The following MCPH1 variants were observed in gnomAD, a reference collection of about 807,000 sequenced individuals.
MCPH1 encodes microcephalin.
MCPH1 carries 104 observed loss-of-function variants against 84.5 expected under a neutral mutation model. The observed-to-expected ratio is 1.23, with a 90% CI of 1.05 to 1.45. The LOEUF is 1.45. MCPH1 is among the 40% of genes most tolerant of loss of function. The pLI is 0.00. For synonymous variants in MCPH1, 514 were observed against 366.8 expected, an observed-to-expected ratio of 1.40 and a Z score of -4.58; for missense variants, 1,498 against 1,005.7, an observed-to-expected ratio of 1.49 and a Z score of -6.62.
intron 12 of MCPH1, chr8:6,508,683 T>G (rs1391164541): frequency 1.7e-6 from 1 of 601,440 alleles, no homozygotes. Flanking sequence ...ATATCCCCTC[T>G]CCTTGCCAGG....
chr8:6,407,572 G>A (rs532398385), intron 1 of MCPH1, among the ~76,000 whole-genome samples: 20 of 152,288 alleles, frequency 1.3e-4, no homozygotes, highest in African/African-American at 4.1e-4. Flanking sequence ...GGCCTGTATT[G>A]TGGGGCCTGG....
chr8:6,621,285 A>C, intron 12 of MCPH1, 169 bp from the exon 13 acceptor site: 1 of 828,960 alleles, frequency 1.2e-6, no homozygotes, highest in East Asian at 2.7e-5. Context: ...TATGTCATTA[A>C]TGTCATCATC....
intron 3 of MCPH1, among the ~76,000 whole-genome samples, chr8:6,427,364 T>G (rs1801208394): frequency 6.6e-6 from 1 of 152,114 alleles, no homozygotes; most frequent in South Asian, 2.1e-4. Flanking sequence ...AGCAACTGTA[T>G]TAACTGATAC....
At chr8:6,458,855 A>G (rs1039002539) in intron 9 of MCPH1, among the ~76,000 whole-genome samples, 6 of 152,176 alleles carry the variant, frequency 3.9e-5, no homozygotes, top group African/African-American at 1.4e-4. Flanking sequence ...CATGTTGACC[A>G]GGCTGGTCTC....
rs1251429918 is a variant in MCPH1 at position 6,444,677 on chromosome 8, G to A, written c.955G>A (p.Ala319Thr). 5 of 1,613,968 alleles carry A rather than the reference G, an allele frequency of 3.1e-6. No individual in the cohort carries two copies. The highest frequency in any genetic ancestry group is 4.5e-5 in the East Asian group (2 of 44,906). ...KVVTPDQKQA[A>T]GMSQETFEEK... The stretch of plus-strand genomic sequence containing the variant: ...AGTCACCCCTGACCAAAAGCAGGCT[G>A]CAGGTATGTCTCAGGAGACGTTTGA... Residue 319 changes from alanine to threonine, a missense_variant, in exon 8 of 14, where the codon GCA becomes ACA. Ala to Thr is a moderately conservative substitution (Grantham distance 58). Coordinates refer to ENST00000344683, the MANE Select transcript of MCPH1 (RefSeq NM_024596.5).
intron 12 of MCPH1, among the ~76,000 whole-genome samples, chr8:6,579,242 C>T (rs533248742): frequency 6.6e-6 from 1 of 152,336 alleles, no homozygotes; most frequent in South Asian, 2.1e-4. Flanking sequence ...AGTGAAGTGA[C>T]ATCGGCAGAG....
intron 12 of MCPH1, among the ~76,000 whole-genome samples, chr8:6,555,583 T>G (rs1422569081): frequency 6.6e-6 from 1 of 151,772 alleles, no homozygotes; most frequent in African/African-American, 2.4e-5. Flanking sequence ...CACCTCATCC[T>G]CCTGAGTAGC....
At chr8:6,534,204 T>A (rs1342536451) in intron 12 of MCPH1, among the ~76,000 whole-genome samples, 8 of 150,670 alleles carry the variant, frequency 5.3e-5, no homozygotes, top group African/African-American at 1.9e-4. Context: ...TCAATATATT[T>A]TAAAAAAAAA....
intron 13 of MCPH1, chr8:6,642,741 C>T: frequency 1.8e-6 from 1 of 549,178 alleles, no homozygotes; most frequent in Non-Finnish European, 3.3e-6. Context: ...TGCCCTGCAT[C>T]TAATGGGACA....
At chr8:6,424,772 C>T (rs1049064499) in intron 3 of MCPH1, among the ~76,000 whole-genome samples, 1 of 152,216 alleles carries the variant, frequency 6.6e-6, no homozygotes, top group African/African-American at 2.4e-5. Flanking sequence ...TAGTGCTAGA[C>T]CACAGAAGTT....
At chr8:6,612,669 C>A (rs1289441379) in intron 12 of MCPH1, among the ~76,000 whole-genome samples, 1 of 152,250 alleles carries the variant, frequency 6.6e-6, no homozygotes, top group African/African-American at 2.4e-5. Context: ...ACCTCCCCTG[C>A]CTGGCCTGGT....
chr8:6,439,515 G>C (rs1220995262), intron 6 of MCPH1, among the ~76,000 whole-genome samples: 1 of 151,376 alleles, frequency 6.6e-6, no homozygotes, highest in East Asian at 1.9e-4. Flanking sequence ...CTCCCGAGTA[G>C]CTGGGATTAC....
intron 12 of MCPH1, among the ~76,000 whole-genome samples, chr8:6,530,789 C>A (rs970792769): frequency 2.2e-4 from 33 of 152,192 alleles, no homozygotes; most frequent in African/African-American, 7.7e-4. Context: ...CATTTCACTA[C>A]TGTTTTCTCT....
At chr8:6,609,056 C>T (rs1006354940) in intron 12 of MCPH1, among the ~76,000 whole-genome samples, 2 of 152,200 alleles carry the variant, frequency 1.3e-5, no homozygotes, top group Non-Finnish European at 2.9e-5. Flanking sequence ...CCCCAACTTT[C>T]AATGACATTG....
intron 12 of MCPH1, among the ~76,000 whole-genome samples, chr8:6,564,617 C>T (rs1825991058): frequency 6.6e-6 from 1 of 152,162 alleles, no homozygotes; most frequent in African/African-American, 2.4e-5. Flanking sequence ...TTATTATTCC[C>T]AGTGAGCGCT....
chr8:6,492,133 C>T (rs1192794655), intron 11 of MCPH1, among the ~76,000 whole-genome samples: 1 of 152,210 alleles, frequency 6.6e-6, no homozygotes, highest in African/African-American at 2.4e-5. Flanking sequence ...TCCTCTCCAG[C>T]ACCTGTTGTT....
Position 6,642,823 on chromosome 8 carries a change from C to T in MCPH1, c.2453-171C>T, listed in dbSNP as rs778043427. 5.1e-5 allele frequency: 35 copies of T among 685,356 alleles called. No homozygotes were observed. The Middle Eastern group carries it at 9.5e-4, about 19-fold the overall frequency. 42.5% of individuals were successfully genotyped at this position (685,356 alleles called of 1,614,324 possible). ...TGTTTCATTGTATTGAATTTCGTTT[C>T]ACGTTAATTTAAAAAGGTATGTGTG... On this transcript the variant is annotated intron_variant, in intron 13 of 13. Transcript: ENST00000344683.
intron 12 of MCPH1, among the ~76,000 whole-genome samples, chr8:6,517,236 T>C (rs1228810922): frequency 6.6e-6 from 1 of 152,200 alleles, no homozygotes; most frequent in Admixed American, 6.5e-5. Flanking sequence ...ATATCTTTAA[T>C]CTGTCCACTG....
chr8:6,640,808 AT>A (rs1322745976), intron 13 of MCPH1, among the ~76,000 whole-genome samples: 1 of 152,218 alleles, frequency 6.6e-6, no homozygotes, highest in Non-Finnish European at 1.5e-5. Context: ...GTTTTAAAAA[AT>A]ATTTAGACCT....
Sources: gnomAD v4.1 joint callset for allele counts (sites outside exome capture counted in the v4.1 genomes callset) on GRCh38, gnomAD v4.1.1 for gene constraint, MANE v1.5 for transcripts, NCBI Gene and HGNC (gene_info 2026-07-23, HGNC 2026-07-21) for gene names.